SCAMP1: variants seen among roughly 807,000 people sequenced by gnomAD.
The protein encoded by SCAMP1 is secretory carrier-associated membrane protein 1.
Under a neutral mutation model 41.8 loss-of-function variants are expected in SCAMP1, and 15 were observed. The ratio of observed to expected loss-of-function variants is 0.36; its 90% CI spans 0.24 to 0.55. The LOEUF is 0.55. Ranked by LOEUF, SCAMP1 falls within the 20% of genes least tolerant of loss-of-function variation. SCAMP1 has a pLI of 0.86. For synonymous variants in SCAMP1, 135 were observed against 136.8 expected, an observed-to-expected ratio of 0.99 and a Z score of 0.09; for missense variants, 341 against 412.6, an observed-to-expected ratio of 0.83 and a Z score of 1.50.
intron 6 of SCAMP1, among the ~76,000 whole-genome samples, chr5:78,435,683 C>T (rs1378096103): frequency 6.6e-6 from 1 of 152,160 alleles, no homozygotes; most frequent in African/African-American, 2.4e-5. Flanking sequence ...CCGGAGTAAA[C>T]ATACGTGTGC....
At chr5:78,417,897 A>G (rs1008092144) in intron 4 of SCAMP1, among the ~76,000 whole-genome samples, 1 of 152,222 alleles carries the variant, frequency 6.6e-6, no homozygotes, top group Non-Finnish European at 1.5e-5. Context: ...TTTCTATAAA[A>G]ATTACCCTGG....
At chr5:78,382,220 T>G (rs576492974) in intron 1 of SCAMP1, among the ~76,000 whole-genome samples, 1 of 152,278 alleles carries the variant, frequency 6.6e-6, no homozygotes, top group East Asian at 1.9e-4. Context: ...AGACTAGAAA[T>G]TCGAAGGTTA....
At chr5:78,423,078 A>C (rs953016685) in intron 6 of SCAMP1, among the ~76,000 whole-genome samples, 1 of 152,184 alleles carries the variant, frequency 6.6e-6, no homozygotes, top group African/African-American at 2.4e-5. Flanking sequence ...ATCTGTAAAC[A>C]GATGAGGGAA....
chr5:78,394,867 A>C (rs1294072025), intron 2 of SCAMP1, among the ~76,000 whole-genome samples: 4 of 152,140 alleles, frequency 2.6e-5, no homozygotes, highest in Non-Finnish European at 5.9e-5. Context: ...TCCTACATCT[A>C]ATCAGTTGCC....
intron 6 of SCAMP1, among the ~76,000 whole-genome samples, chr5:78,446,176 A>G (rs762332538): frequency 6.6e-6 from 1 of 152,250 alleles, no homozygotes; most frequent in Non-Finnish European, 1.5e-5. Flanking sequence ...CTAACTGTAC[A>G]TACAGAAAGA....
chr5:78,394,381 G>T (rs1327372154), intron 2 of SCAMP1, among the ~76,000 whole-genome samples: 2 of 151,808 alleles, frequency 1.3e-5, no homozygotes, highest in African/African-American at 4.8e-5. Flanking sequence ...GGAAAATGTT[G>T]AGTTAAATAA....
At chr5:78,394,279 T>A (rs13159260) in intron 2 of SCAMP1, among the ~76,000 whole-genome samples, 1 of 152,032 alleles carries the variant, frequency 6.6e-6, no homozygotes, top group Admixed American at 6.5e-5. Context: ...ACCTAGGCCC[T>A]GTCACTAAGC....
chr5:78,451,360 C>T (rs1753221267), intron 7 of SCAMP1, among the ~76,000 whole-genome samples: 1 of 152,090 alleles, frequency 6.6e-6, no homozygotes, highest in African/African-American at 2.4e-5. Context: ...TCTTGTAGAA[C>T]TATAGTAAAA....
chr5:78,375,455 T>A (rs945107152), intron 1 of SCAMP1, among the ~76,000 whole-genome samples: 1 of 152,158 alleles, frequency 6.6e-6, no homozygotes, highest in African/African-American at 2.4e-5. Flanking sequence ...CTTCTGAGGA[T>A]TACATGAAAT....
chr5:78,479,016 A>C lies in SCAMP1; in HGVS notation c.*3348A>C, dbSNP rs1254201893. The C allele has an allele frequency of 6.6e-6, 1 of 152,122 alleles. No individual in the cohort carries two copies. 9.4% of individuals were successfully genotyped at this position (152,122 alleles called of 1,614,324 possible). A position where few individuals can be genotyped will look rare whatever the true frequency, so the allele number is the denominator to read the frequency against. On this transcript the variant is annotated 3_prime_UTR_variant, in exon 9 of 9. Coordinates refer to ENST00000621999, the MANE Select transcript of SCAMP1 (RefSeq NM_004866.6). The stretch of plus-strand genomic sequence containing the variant: ...TGTAATAGCATAGTGCTTTTTACTC[A>C]TTGCTGTATCTTTTTCTGAAAACAC...
intron 4 of SCAMP1, among the ~76,000 whole-genome samples, chr5:78,418,091 A>AT (rs951041685): frequency 2.0e-5 from 3 of 151,720 alleles, no homozygotes; most frequent in African/African-American, 4.8e-5. Flanking sequence ...ATGTAGACAC[A>AT]TTTTTTTCCC....
chr5:78,393,878 G>A (rs1751579667), intron 2 of SCAMP1, among the ~76,000 whole-genome samples: 1 of 152,092 alleles, frequency 6.6e-6, no homozygotes, highest in Non-Finnish European at 1.5e-5. Flanking sequence ...CCACTGGTGA[G>A]GGCATTTGTG....
At chr5:78,430,690 A>T (rs988332079) in intron 6 of SCAMP1, among the ~76,000 whole-genome samples, 3 of 151,924 alleles carry the variant, frequency 2.0e-5, no homozygotes, top group African/African-American at 7.2e-5. Context: ...TTTTGGGCAA[A>T]TTATTAGGAA....
At chr5:78,399,221 C>A (rs1021249555) in intron 2 of SCAMP1, among the ~76,000 whole-genome samples, 5 of 152,168 alleles carry the variant, frequency 3.3e-5, no homozygotes. Flanking sequence ...TCCACAAACT[C>A]AAGGACATCT....
chr5:78,459,951 T>C (rs1753543462), intron 8 of SCAMP1, among the ~76,000 whole-genome samples: 1 of 152,110 alleles, frequency 6.6e-6, no homozygotes, highest in African/African-American at 2.4e-5. Flanking sequence ...TGTTTCCATC[T>C]TTATGTCTGT....
chr5:78,360,649 G>C lies in SCAMP1; in HGVS notation c.-23G>C. 1 of 1,601,936 alleles carries C rather than the reference G, an allele frequency of 6.2e-7. No homozygotes were observed. The highest frequency in any genetic ancestry group is 1.1e-5 in the South Asian group (1 of 89,032). Reference sequence around the variant, plus strand: ...CTCTCTCTCTGCGCCTGGGTCGGGTGGGTGACGCCGAGAGCCAGAGAGATG... The same window carrying C: ...CTCTCTCTCTGCGCCTGGGTCGGGTCGGTGACGCCGAGAGCCAGAGAGATG... On this transcript the variant is annotated 5_prime_UTR_variant, in exon 1 of 9. Coordinates refer to ENST00000621999, the MANE Select transcript of SCAMP1 (RefSeq NM_004866.6).
At chr5:78,470,530 T>G (rs569205517) in intron 8 of SCAMP1, among the ~76,000 whole-genome samples, 6 of 152,208 alleles carry the variant, frequency 3.9e-5, no homozygotes, top group Non-Finnish European at 8.8e-5. Flanking sequence ...AATATTCCAT[T>G]GTATCTGTAT....
chr5:78,414,952 A>C (rs1752172778), intron 2 of SCAMP1, among the ~76,000 whole-genome samples: 1 of 141,480 alleles, frequency 7.1e-6, no homozygotes, highest in African/African-American at 2.8e-5. Context: ...TAAACTCAAA[A>C]GTTCTTTTTT....
rs374081895 is a variant in SCAMP1 at position 78,454,609 on chromosome 5, G to A, written c.734+4575G>A. Among the ~76,000 whole-genome samples the A allele has an allele frequency of 9.7e-4, 148 of 151,970 alleles. 1 individual carries two copies. The Middle Eastern group carries it at 0.01, about 10-fold the overall frequency. On this transcript the variant is annotated intron_variant, in intron 7 of 8. Coordinates refer to ENST00000621999, the MANE Select transcript of SCAMP1 (RefSeq NM_004866.6). ...CCAGTATTTTATTGAGGATTTTTGC[G>A]TCAATGTTCATCAAGGATATTGGTC...
Sources: gnomAD v4.1 joint callset for allele counts (sites outside exome capture counted in the v4.1 genomes callset) on GRCh38, gnomAD v4.1.1 for gene constraint, MANE v1.5 for transcripts, NCBI Gene and HGNC (gene_info 2026-07-23, HGNC 2026-07-21) for gene names.